TOM1L2: variants seen among roughly 807,000 people sequenced by gnomAD.
TOM1L2 encodes the protein target of myb1 like 2 membrane trafficking protein.
A neutral mutation model predicts 67.9 loss-of-function variants in TOM1L2; 31 were observed. The ratio of observed to expected loss-of-function variants is 0.46; its 90% CI spans 0.34 to 0.62. The LOEUF (loss-of-function observed/expected upper bound fraction) is 0.62. Among genes scored for constraint, TOM1L2 ranks in the 20% least tolerant of loss-of-function variants. The probability of loss-of-function intolerance (pLI) is 0.01; values close to 1 mark genes in which losing one functional copy is unlikely to be tolerated. For synonymous variants in TOM1L2, 256 were observed against 254.0 expected, an observed-to-expected ratio of 1.01 and a Z score of -0.07; for missense variants, 606 against 663.5, an observed-to-expected ratio of 0.91 and a Z score of 0.95.
At position 17,898,690 on chromosome 17, in the gene TOM1L2, G is replaced by A; in HGVS notation, c.138-16C>T. On this transcript the variant is annotated splice_polypyrimidine_tract_variant and intron_variant, in intron 2 of 14. Transcript: ENST00000379504. The stretch of plus-strand genomic sequence containing the variant: ...ATCCTTTGGCCTGGAAAAAAGAACA[G>A]ACATATAAAGATACTTACAATCCCA... The A allele has an allele frequency of 1.2e-6, 2 of 1,614,002 alleles. No individual in the cohort carries two copies. The highest frequency in any genetic ancestry group is 1.7e-6 in the Non-Finnish European group (2 of 1,179,860).
chr17:17,864,965 A>G (rs964544371), intron 10 of TOM1L2, among the ~76,000 whole-genome samples: 1 of 152,242 alleles, frequency 6.6e-6, no homozygotes, highest in African/African-American at 2.4e-5. Flanking sequence ...AAATGAAAGG[A>G]AAGTAGACGA....
chr17:17,927,664 T>A (rs1204670531), intron 1 of TOM1L2, among the ~76,000 whole-genome samples: 1 of 129,356 alleles, frequency 7.7e-6, no homozygotes. Flanking sequence ...TTGGCTATAC[T>A]TTTTTTTTTT....
intron 1 of TOM1L2, among the ~76,000 whole-genome samples, chr17:17,940,217 A>G (rs1034884874): frequency 6.6e-6 from 1 of 151,236 alleles, no homozygotes; most frequent in South Asian, 2.1e-4. Context: ...AAAAAAAAAA[A>G]AGGAAGAAGA....
chr17:17,970,681 A>T (rs1238955732), intron 1 of TOM1L2, among the ~76,000 whole-genome samples: 1 of 152,216 alleles, frequency 6.6e-6, no homozygotes, highest in Non-Finnish European at 1.5e-5. Context: ...TATAAAAGAT[A>T]CTACGCCAGA....
chr17:17,867,257 A>G (rs891258093), intron 8 of TOM1L2, among the ~76,000 whole-genome samples: 3 of 152,058 alleles, frequency 2.0e-5, no homozygotes, highest in African/African-American at 7.3e-5. Context: ...TTGGAGCTGC[A>G]GACTCCCTAT....
At chr17:17,851,277 C>T (rs1026106188) in intron 12 of TOM1L2, 4 of 376,124 alleles carry the variant, frequency 1.1e-5, no homozygotes, top group Admixed American at 8.0e-5. Context: ...CCTCTCAGCC[C>T]GGGGCTGCAA....
chr17:17,894,658 T>C (rs1428563183), intron 3 of TOM1L2, among the ~76,000 whole-genome samples: 1 of 152,216 alleles, frequency 6.6e-6, no homozygotes, highest in Non-Finnish European at 1.5e-5. Flanking sequence ...AGGCCGGGCA[T>C]AGTGGTTCAT....
At position 17,944,553 on chromosome 17, in the gene TOM1L2, C is replaced by T. The variant is rs769550289; in HGVS notation, c.52+27709G>A. 5.4e-4 allele frequency among the ~76,000 whole-genome samples: 82 copies of T among 152,238 alleles called. 1 individual carries two copies. The highest frequency in any genetic ancestry group is 4.2e-3 in the Admixed American group (64 of 15,290). ...AAAGAAAGGTCACAAGACAAACTAA[C>T]GCAGACCATCTGCTCTTGGGTGGGG... On this transcript the variant is annotated intron_variant, in intron 1 of 14. Transcript: ENST00000379504.
intron 1 of TOM1L2, among the ~76,000 whole-genome samples, chr17:17,908,596 A>C (rs1598312234): frequency 6.6e-6 from 1 of 152,230 alleles, no homozygotes; most frequent in Non-Finnish European, 1.5e-5. Flanking sequence ...TAACAAAAAA[A>C]CCCAAACTAT....
intron 1 of TOM1L2, among the ~76,000 whole-genome samples, chr17:17,958,330 C>G (rs2041548914): frequency 6.6e-6 from 1 of 152,176 alleles, no homozygotes; most frequent in South Asian, 2.1e-4. Flanking sequence ...ATTGGTTTCT[C>G]TGGTCTGGAC....
intron 1 of TOM1L2, among the ~76,000 whole-genome samples, chr17:17,921,980 G>GA (rs1201158941): frequency 6.6e-6 from 1 of 152,134 alleles, no homozygotes; most frequent in Non-Finnish European, 1.5e-5. Context: ...CCCGATGACA[G>GA]AGACACATCC....
At chr17:17,922,565 T>C (rs2039920194) in intron 1 of TOM1L2, among the ~76,000 whole-genome samples, 1 of 152,130 alleles carries the variant, frequency 6.6e-6, no homozygotes, top group Non-Finnish European at 1.5e-5. Flanking sequence ...GGTCATGGCT[T>C]TGAATCTGGG....
At chr17:17,907,679 A>C (rs2039160297) in intron 1 of TOM1L2, 148 bp from the exon 2 acceptor site, 1 of 655,740 alleles carries the variant, frequency 1.5e-6, no homozygotes, top group Admixed American at 2.7e-5. Flanking sequence ...TATTATCACA[A>C]GAGAACACCC....
chr17:17,874,246 G>A (rs1270124409), intron 7 of TOM1L2, among the ~76,000 whole-genome samples: 9 of 151,620 alleles, frequency 5.9e-5, no homozygotes, highest in African/African-American at 4.8e-5. Flanking sequence ...GAGCCACCAC[G>A]CCCAGCCATT....
At position 17,874,356 on chromosome 17, in the gene TOM1L2, C is replaced by T. The variant is rs532994654; in HGVS notation, c.778-4883G>A. Among the ~76,000 whole-genome samples, 23 of 152,066 alleles carry T rather than the reference C, an allele frequency of 1.5e-4. 1 individual carries two copies. In the South Asian group the frequency reaches 2.7e-3, roughly 18 times the overall value. Reference sequence around the variant, plus strand: ...TACGATCTCAGCTCACTGCAACCTCCGCCTCCCAGGTTCAAGCAATTCTCC... The same window carrying T: ...TACGATCTCAGCTCACTGCAACCTCTGCCTCCCAGGTTCAAGCAATTCTCC... On this transcript the variant is annotated intron_variant, in intron 7 of 14. Coordinates refer to ENST00000379504, the MANE Select transcript of TOM1L2 (RefSeq NM_001082968.2).
chr17:17,879,405 A>C (rs112956966), intron 7 of TOM1L2, among the ~76,000 whole-genome samples: 5,966 of 108,322 alleles, frequency 0.055, 420 homozygotes, highest in African/African-American at 0.17. Context: ...TTTTATAATC[A>C]GGAAAAAAAT....
At chr17:17,878,048 C>T (rs779798611) in intron 7 of TOM1L2, among the ~76,000 whole-genome samples, 15 of 152,246 alleles carry the variant, frequency 9.9e-5, no homozygotes, top group African/African-American at 3.1e-4. Context: ...GGAATTCCGA[C>T]GCTGACACAG....
chr17:17,848,969 T>C (rs1227053230), intron 13 of TOM1L2, 110 bp from the exon 14 acceptor site: 3 of 971,788 alleles, frequency 3.1e-6, no homozygotes, highest in African/African-American at 1.7e-5. Flanking sequence ...CAGGGTAGCC[T>C]GAACAAAACT....
Position 17,972,370 on chromosome 17 carries a change from T to G in TOM1L2, c.-57A>C. The G allele has an allele frequency of 6.5e-7, 1 of 1,547,086 alleles. No homozygotes were observed. The highest frequency in any genetic ancestry group is 2.5e-5 in the East Asian group (1 of 40,808). On this transcript the variant is annotated 5_prime_UTR_variant, in exon 1 of 15. Transcript: ENST00000379504. ...CCCTGTCTGCCACCTAGGCCTCCGC[T>G]GTAACCCGCCGGACTCCCGTCCTGA...
Sources: gnomAD v4.1 joint callset for allele counts (sites outside exome capture counted in the v4.1 genomes callset) on GRCh38, gnomAD v4.1.1 for gene constraint, MANE v1.5 for transcripts, NCBI Gene and HGNC (gene_info 2026-07-23, HGNC 2026-07-21) for gene names.